Variants in CYFIP1 observed in about 807,000 individuals in gnomAD.
The protein encoded by CYFIP1 is cytoplasmic FMR1-interacting protein 1.
Under a neutral mutation model 163.5 loss-of-function variants are expected in CYFIP1, and 58 were observed. The ratio of observed to expected loss-of-function variants is 0.35; its 90% CI spans 0.29 to 0.44. CYFIP1 has a LOEUF of 0.44. Among genes scored for constraint, CYFIP1 ranks in the 20% least tolerant of loss-of-function variants. The pLI, the probability that CYFIP1 is intolerant of heterozygous loss-of-function variation, is 1.00. For synonymous variants in CYFIP1, 663 were observed against 660.7 expected, an observed-to-expected ratio of 1.00 and a Z score of -0.05; for missense variants, 1,338 against 1,653.8, an observed-to-expected ratio of 0.81 and a Z score of 3.31.
At chr15:22,918,635 C>A in intron 14 of CYFIP1, 57 bp downstream of exon 14, 1 of 1,444,242 alleles carries the variant, frequency 6.9e-7, no homozygotes, top group South Asian at 1.5e-5. Context: ...TTGTTTGAAT[C>A]CAAGTTCATC....
intron 1 of CYFIP1, among the ~76,000 whole-genome samples, chr15:22,976,144 G>A (rs1459218595): frequency 1.3e-5 from 2 of 150,834 alleles, no homozygotes; most frequent in African/African-American, 4.9e-5. Context: ...GAAATGTTGT[G>A]TTTTTAAATT....
chr15:22,880,356 C>A (rs2059718737), intron 25 of CYFIP1, among the ~76,000 whole-genome samples: 1 of 152,202 alleles, frequency 6.6e-6, no homozygotes, highest in Admixed American at 6.5e-5. Flanking sequence ...GCACCACATC[C>A]CCAGTGGGGG....
chr15:22,951,659 G>T, intron 1 of CYFIP1: 2 of 843,136 alleles, frequency 2.4e-6, no homozygotes, highest in Non-Finnish European at 3.3e-6. Flanking sequence ...CAAGAAGACA[G>T]GTCGGACCGA....
At chr15:22,889,013 C>A (rs2059996717) in intron 23 of CYFIP1, among the ~76,000 whole-genome samples, 1 of 151,056 alleles carries the variant, frequency 6.6e-6, no homozygotes, top group Admixed American at 6.6e-5. Context: ...CCACTGTACT[C>A]CAGCCTAGGG....
intron 25 of CYFIP1, among the ~76,000 whole-genome samples, chr15:22,880,606 T>C (rs948558394): frequency 2.6e-5 from 4 of 152,132 alleles, no homozygotes; most frequent in Non-Finnish European, 4.4e-5. Context: ...TCCCAGCCAA[T>C]CTACAGCTTC....
At chr15:22,911,824 G>A (rs1038879991) in intron 18 of CYFIP1, among the ~76,000 whole-genome samples, 2 of 152,196 alleles carry the variant, frequency 1.3e-5, no homozygotes, top group Admixed American at 6.5e-5. Flanking sequence ...TAGAAGTCAT[G>A]CGATGCAAAT....
At chr15:22,950,323 G>A (rs1422505104) in intron 1 of CYFIP1, among the ~76,000 whole-genome samples, 1 of 152,136 alleles carries the variant, frequency 6.6e-6, no homozygotes, top group Non-Finnish European at 1.5e-5. Flanking sequence ...CCAGGCAAGC[G>A]CTGGCCAAAA....
intron 1 of CYFIP1, 61 bp downstream of exon 1, chr15:22,980,226 C>T (rs2063439208): frequency 6.6e-6 from 1 of 151,210 alleles, no homozygotes; most frequent in Non-Finnish European, 1.5e-5. Context: ...GCCCAGGTTC[C>T]GAGGGGGACC....
intron 23 of CYFIP1, among the ~76,000 whole-genome samples, chr15:22,883,981 A>C (rs897567805): frequency 6.6e-6 from 1 of 152,194 alleles, no homozygotes; most frequent in Non-Finnish European, 1.5e-5. Context: ...AGCCCCTTAT[A>C]AAACCATCAG....
chr15:22,951,438 CT>C, intron 1 of CYFIP1: 2 of 1,289,562 alleles, frequency 1.6e-6, no homozygotes, highest in Non-Finnish European at 2.0e-6. Flanking sequence ...CATGGGGGGC[CT>C]GCCCTTGGTG....
rs748929511 is a variant in CYFIP1 at position 22,872,860 on chromosome 15, T to G, written c.3562A>C (p.Lys1188Gln). The change falls in exon 30 of 31, where the codon AAA (lysine) becomes CAA (glutamine). Residue 1188 changes from lysine (K) to glutamine (Q), a missense_variant. By Grantham distance (53) the Lys-to-Gln change is moderately conservative. Transcript: ENST00000617928. ...DFCYHLLKVQ[K>Q]HDGKDEIIKN... ...ATAATCTCATCTTTGCCATCATGTT[T>G]CTGGACTTTAAGTAGATGGTAGCAG... The G allele has an allele frequency of 6.2e-7, 1 of 1,614,144 alleles. No individual in the cohort carries two copies. The highest frequency in any genetic ancestry group is 1.1e-5 in the South Asian group (1 of 91,084).
intron 23 of CYFIP1, 72 bp downstream of exon 23, chr15:22,892,818 C>T: frequency 2.6e-6 from 3 of 1,174,268 alleles, no homozygotes; most frequent in Non-Finnish European, 3.8e-6. Context: ...GCAACCAAAC[C>T]AATTAAACTA....
chr15:22,890,432 G>A (rs1678796442), intron 23 of CYFIP1, among the ~76,000 whole-genome samples: 1 of 152,152 alleles, frequency 6.6e-6, no homozygotes, highest in Non-Finnish European at 1.5e-5. Flanking sequence ...GTGAGGGGGA[G>A]CCCCGTAACA....
At chr15:22,896,459 G>A (rs114252658) in intron 22 of CYFIP1, among the ~76,000 whole-genome samples, 2,549 of 151,914 alleles carry the variant, frequency 0.017, 71 homozygotes, top group African/African-American at 0.058. Context: ...CCAATCACAG[G>A]CATATTAGAA....
In CYFIP1 at chr15:22,943,103, C is replaced by T. The variant is rs940681716; in HGVS notation, c.569+70G>A. On this transcript the variant is annotated intron_variant, in intron 6 of 30. Coordinates refer to ENST00000617928, the MANE Select transcript of CYFIP1 (RefSeq NM_014608.6). ...TTCAGCAAACAAAGACGCACACCTG[C>T]TGTGCACAAGGCAGGCCACTGAGCT... 8.2e-6 allele frequency: 12 copies of T among 1,457,746 alleles called. No individual in the cohort carries two copies. In the African/African-American group the frequency reaches 1.4e-4, roughly 17 times the overall value. 90.3% of individuals were successfully genotyped at this position (1,457,746 alleles called of 1,614,324 possible). A position where few individuals can be genotyped will look rare whatever the true frequency, so the allele number is the denominator to read the frequency against.
At chr15:22,940,025 A>G (rs952877766) in intron 6 of CYFIP1, among the ~76,000 whole-genome samples, 1 of 152,116 alleles carries the variant, frequency 6.6e-6, no homozygotes, top group Admixed American at 6.5e-5. Flanking sequence ...CCTGCCACCA[A>G]TTTGTAGCTA....
chr15:22,872,676 GATTC>G (rs1242023954), intron 30 of CYFIP1, 145 bp downstream of exon 30: 1 of 719,540 alleles, frequency 1.4e-6, no homozygotes, highest in Non-Finnish European at 2.3e-6. Flanking sequence ...ATTATATTTA[GATTC>G]ATTTTGGGAA....
chr15:22,871,818 G>A (rs1179925812), intron 30 of CYFIP1, among the ~76,000 whole-genome samples: 2 of 152,210 alleles, frequency 1.3e-5, no homozygotes, highest in African/African-American at 4.8e-5. Context: ...TGAGCCAACT[G>A]TGCATAAGCT....
intron 6 of CYFIP1, 60 bp from the exon 7 acceptor site, chr15:22,939,567 A>AAAT (rs2061833339): frequency 9.4e-7 from 1 of 1,060,840 alleles, no homozygotes; most frequent in Non-Finnish European, 1.3e-6. Context: ...TAAAAAAAAA[A>AAAT]AAAAAAAAAA....
Sources: allele counts gnomAD v4.1 joint callset (sites outside exome capture counted in the v4.1 genomes callset), GRCh38; gene constraint gnomAD v4.1.1; transcripts MANE v1.5; gene names NCBI Gene and HGNC (gene_info 2026-07-23, HGNC 2026-07-21).